KHDRBS3: variants seen among roughly 807,000 people sequenced by gnomAD.
KHDRBS3 encodes KH RNA binding domain containing, signal transduction associated 3, also known as KH domain-containing, RNA-binding, signal transduction-associated protein 3.
In KHDRBS3, 23 loss-of-function variants were observed where a neutral mutation model predicts 45.6. The ratio of observed to expected loss-of-function variants is 0.50; its 90% CI spans 0.36 to 0.72. The LOEUF is 0.72. Ranked by LOEUF, KHDRBS3 falls within the 30% of genes least tolerant of loss-of-function variation. The pLI is 0.00. For synonymous variants in KHDRBS3, 162 were observed against 156.5 expected (o/e 1.04, Z -0.26); for missense variants, 352 against 424.8 (o/e 0.83, Z 1.51).
intron 4 of KHDRBS3, among the ~76,000 whole-genome samples, chr8:135,552,595 C>G (rs552364743): frequency 1.2e-3 from 182 of 152,168 alleles, no homozygotes; most frequent in African/African-American, 4.2e-3. Flanking sequence ...CATAGCAAAC[C>G]TGTAATCTGA....
chr8:135,617,735 A>AT lies in KHDRBS3; in HGVS notation c.890+10700dup, dbSNP rs1440309867. Among the ~76,000 whole-genome samples the AT allele has an allele frequency of 2.0e-5, 3 of 152,336 alleles. No individual in the cohort carries two copies. In the East Asian group the frequency reaches 5.8e-4, roughly 29 times the overall value. On this transcript the variant is annotated intron_variant, in intron 7 of 8. Coordinates refer to ENST00000355849, the MANE Select transcript of KHDRBS3 (RefSeq NM_006558.3). ...ACTACCTCTCTATGTAACTGTTGTT[A>AT]TTATGAGTTTAAGTATTATATCCAG...
intron 5 of KHDRBS3, among the ~76,000 whole-genome samples, chr8:135,571,113 G>A (rs543202630): frequency 6.6e-6 from 1 of 152,292 alleles, no homozygotes; most frequent in South Asian, 2.1e-4. Context: ...CTCAGTTACA[G>A]CTCAGCCAGC....
At chr8:135,516,707 A>G (rs1252050948) in intron 1 of KHDRBS3, among the ~76,000 whole-genome samples, 6 of 151,978 alleles carry the variant, frequency 3.9e-5, no homozygotes, top group African/African-American at 1.4e-4. Context: ...TAGCCTACTT[A>G]CCCAGCTCCT....
intron 5 of KHDRBS3, among the ~76,000 whole-genome samples, chr8:135,562,408 G>A (rs529826086): frequency 7.9e-5 from 12 of 152,326 alleles, no homozygotes; most frequent in African/African-American, 1.9e-4. Context: ...TAGCCTAGGC[G>A]TGTAGTAGGC....
chr8:135,654,789 C>T (rs1366978710), intron 4 of KHDRBS3, among the ~76,000 whole-genome samples: 8 of 152,204 alleles, frequency 5.3e-5, no homozygotes, highest in East Asian at 1.9e-4. Context: ...CAGGAGAGGC[C>T]GACAGGCTCT....
chr8:135,533,088 AC>A (rs1178646607), intron 2 of KHDRBS3, among the ~76,000 whole-genome samples: 7 of 152,148 alleles, frequency 4.6e-5, no homozygotes, highest in African/African-American at 1.4e-4. Flanking sequence ...AAAGCAAAAC[AC>A]CATTTATTAA....
At chr8:135,571,828 G>T (rs1182971292) in intron 5 of KHDRBS3, among the ~76,000 whole-genome samples, 1 of 152,076 alleles carries the variant, frequency 6.6e-6, no homozygotes, top group Admixed American at 6.6e-5. Flanking sequence ...GGAGCTTGGG[G>T]TTACTTCTCT....
In KHDRBS3 at chr8:135,557,819, G is replaced by A. The variant is rs142411549; in HGVS notation, c.611+232G>A. 2.9e-3 allele frequency among the ~76,000 whole-genome samples: 439 copies of A among 152,230 alleles called. 3 individuals carry two copies. The highest frequency in any genetic ancestry group is 9.9e-3 in the African/African-American group (410 of 41,534). ...CACTCCAATGTGGGCAACGTAGTGA[G>A]ACCCTATCACTTTAAAAATCATAAT... is the stretch of plus-strand genomic sequence containing the variant. On this transcript the variant is annotated intron_variant, in intron 5 of 8. Coordinates refer to ENST00000355849, the MANE Select transcript of KHDRBS3 (RefSeq NM_006558.3).
chr8:135,646,386 A>G (rs1448738025), intron 8 of KHDRBS3, among the ~76,000 whole-genome samples: 1 of 152,214 alleles, frequency 6.6e-6, no homozygotes, highest in Non-Finnish European at 1.5e-5. Context: ...ATGAAATCTG[A>G]CATTATGTCG....
intron 7 of KHDRBS3, among the ~76,000 whole-genome samples, chr8:135,642,312 C>G (rs562743511): frequency 6.6e-6 from 1 of 152,084 alleles, no homozygotes; most frequent in East Asian, 1.9e-4. Context: ...GTTGAGTGAC[C>G]CTGGGCAGAT....
intron 2 of KHDRBS3, among the ~76,000 whole-genome samples, chr8:135,521,709 T>C (rs1394162432): frequency 6.6e-6 from 1 of 152,186 alleles, no homozygotes; most frequent in African/African-American, 2.4e-5. Context: ...TTCAAAAATA[T>C]CATTGTTTAT....
At chr8:135,462,934 T>G (rs566927684) in intron 1 of KHDRBS3, among the ~76,000 whole-genome samples, 7 of 152,294 alleles carry the variant, frequency 4.6e-5, no homozygotes, top group African/African-American at 1.7e-4. Flanking sequence ...TTATGTGCAG[T>G]TTGTTTTTCC....
At chr8:135,642,986 G>T (rs1236193704) in intron 7 of KHDRBS3, among the ~76,000 whole-genome samples, 3 of 151,872 alleles carry the variant, frequency 2.0e-5, no homozygotes, top group Admixed American at 6.6e-5. Context: ...GTAGAGACAG[G>T]GTTTCACCAT....
intron 1 of KHDRBS3, among the ~76,000 whole-genome samples, chr8:135,498,144 A>T (rs1218210859): frequency 6.6e-6 from 1 of 152,190 alleles, no homozygotes; most frequent in African/African-American, 2.4e-5. Flanking sequence ...GAAAAAAAAA[A>T]TACAGTTCTA....
chr8:135,569,737 T>G (rs925774459), intron 5 of KHDRBS3, among the ~76,000 whole-genome samples: 3 of 152,170 alleles, frequency 2.0e-5, no homozygotes, highest in African/African-American at 4.8e-5. Flanking sequence ...CAACAGGGCC[T>G]GCGGCACAGC....
At chr8:135,581,839 C>T in intron 5 of KHDRBS3, 39 bp from the exon 6 acceptor site, 3 of 1,414,214 alleles carry the variant, frequency 2.1e-6, no homozygotes, top group Non-Finnish European at 1.9e-6. Flanking sequence ...ATGTTAGAGA[C>T]TATGATAGAT....
Position 135,638,967 on chromosome 8 carries a change from C to CAA in KHDRBS3, c.891-6076_891-6075dup, listed in dbSNP as rs35677198. Among the ~76,000 whole-genome samples the CAA allele has an allele frequency of 1.4e-3, 132 of 92,168 alleles. 2 individuals are homozygous for CAA. Among genetic ancestry groups the CAA allele is most frequent in the African/African-American group, 2.1e-3 (52 of 24,914 alleles). The allele number at this position is 92,168 out of a possible 152,430, so 60.5% of individuals were successfully genotyped here. A position where few individuals can be genotyped will look rare whatever the true frequency, so the allele number is the denominator to read the frequency against. On this transcript the variant is annotated intron_variant, in intron 7 of 8. Transcript: ENST00000355849. ...AGAGCGAGAGAGTGAGACTCCGTCT[C>CAA]AAAAAAAAAAAAAAAAAGAAGTAGC...
intron 6 of KHDRBS3, 72 bp from the exon 7 acceptor site, chr8:135,606,883 C>T (rs1249595041): frequency 8.4e-7 from 1 of 1,189,708 alleles, no homozygotes; most frequent in Non-Finnish European, 1.2e-6. Flanking sequence ...TGGAAATTCA[C>T]TAAAAGCAGA....
intron 1 of KHDRBS3, among the ~76,000 whole-genome samples, chr8:135,492,397 G>C (rs190014562): frequency 2.3e-3 from 353 of 151,938 alleles, no homozygotes; most frequent in African/African-American, 8.1e-3. Context: ...TCTGGAGAAA[G>C]ATGTAAGATA....
Sources: allele counts gnomAD v4.1 joint callset (sites outside exome capture counted in the v4.1 genomes callset), GRCh38; gene constraint gnomAD v4.1.1; transcripts MANE v1.5; gene names NCBI Gene and HGNC (gene_info 2026-07-23, HGNC 2026-07-21).